Variants in DGCR8 observed in about 807,000 individuals in gnomAD.
DGCR8 encodes the protein DGCR8 microprocessor complex subunit.
DGCR8 carries 14 observed loss-of-function variants against 78.5 expected under a neutral mutation model. The ratio of observed to expected loss-of-function variants is 0.18; its 90% confidence interval spans 0.12 to 0.28. The LOEUF (loss-of-function observed/expected upper bound fraction) is 0.28. DGCR8 is among the 10% of genes least tolerant of loss of function. DGCR8 has a pLI of 1.00. For synonymous variants in DGCR8, 399 were observed against 402.4 expected (o/e 0.99, Z 0.10); for missense variants, 702 against 1,022.5 (o/e 0.69, Z 4.28).
rs554846936 is a variant in DGCR8 at position 20,105,665 on chromosome 22, C to T, written c.1789-512C>T. Among the ~76,000 whole-genome samples, 4 of 152,348 alleles carry T rather than the reference C, an allele frequency of 2.6e-5. No individual in the cohort carries two copies. In the East Asian group the frequency reaches 7.7e-4, roughly 29 times the overall value. On this transcript the variant is annotated intron_variant, in intron 9 of 13. Coordinates refer to ENST00000351989, the MANE Select transcript of DGCR8 (RefSeq NM_022720.7). ...GGTGATGACACTGTTGGAAGCCTTG[C>T]TGGGCTGGGCCTCTGCTGGCCACCT...
intron 9 of DGCR8, among the ~76,000 whole-genome samples, chr22:20,099,496 A>C (rs2049669693): frequency 6.6e-6 from 1 of 151,952 alleles, no homozygotes; most frequent in Non-Finnish European, 1.5e-5. Flanking sequence ...GGCCTTGAGG[A>C]CCCGTTCTCC....
In DGCR8 at chr22:20,086,950, C is replaced by T; in HGVS notation, c.721-212C>T. ...GCAGCAGGTGCTGCTGAGTTACGCT[C>T]CTTGGCAGTGTGTGCCCCTGGACCA... On this transcript the variant is annotated intron_variant, in intron 2 of 13. Coordinates refer to ENST00000351989, the MANE Select transcript of DGCR8 (RefSeq NM_022720.7). This position sits in a 1 kb window ranked among gnomAD's most constrained non-coding sequence, Gnocchi z 6.4. 2 of 758,002 alleles carry T rather than the reference C, an allele frequency of 2.6e-6. No homozygotes were observed. Among genetic ancestry groups the T allele is most frequent in the South Asian group, 3.8e-5 (2 of 52,472 alleles). 47.0% of individuals were successfully genotyped at this position (758,002 alleles called of 1,614,324 possible).
At chr22:20,106,091 C>T in intron 9 of DGCR8, 86 bp from the exon 10 acceptor site, 1 of 1,020,960 alleles carries the variant, frequency 9.8e-7, no homozygotes. Context: ...AGACATTAAG[C>T]ATCTGGGGAA....
rs1373713211 is a variant in DGCR8, at chr22:20,090,105, T to C, written c.1153T>C (p.Ser385Pro). Residue 385 changes from serine to proline, a missense_variant, in exon 5 of 14, where the codon TCT becomes CCT. Ser to Pro is a moderately conservative substitution (Grantham distance 74). Coordinates refer to ENST00000351989, the MANE Select transcript of DGCR8 (RefSeq NM_022720.7). The stretch of plus-strand genomic sequence containing the variant: ...GTCCCCCGTCAAGCCCCTGAGCCGA[T>C]CTGCAGAGCTGGAGTTTCCCCTGGA... ...DVSPVKPLSR[S>P]AELEFPLDEP... 6.2e-7 allele frequency: 1 copy of C among 1,614,186 alleles called. No homozygotes were observed. The highest frequency in any genetic ancestry group is 8.5e-7 in the Non-Finnish European group (1 of 1,180,036).
Position 20,085,428 on chromosome 22 carries a change from T to C in DGCR8, c.-277-259T>C, listed in dbSNP as rs1191409668. Among the ~76,000 whole-genome samples, 2 of 152,348 alleles carry C rather than the reference T, an allele frequency of 1.3e-5. No homozygotes were observed. The highest frequency in any genetic ancestry group is 2.9e-5 in the Non-Finnish European group (2 of 68,032). ...TTTTTAAAATATTTTTTGAGCCTTA[T>C]GATTATATAGTTTTTGTGTTTCTGA... On this transcript the variant is annotated intron_variant, in intron 1 of 13. Transcript: ENST00000351989. The surrounding 1 kb of genome is among the most constrained non-coding windows in gnomAD (Gnocchi z 6.2).
In DGCR8 at chr22:20,080,335, C is replaced by A; in HGVS notation, c.-326C>A. ...CGGCGGTCGGTCGGTGAGGCTTTCC[C>A]GGCTGTGGTTTGGCTGCGGGCGGCT... is the stretch of plus-strand genomic sequence containing the variant. On this transcript the variant is annotated 5_prime_UTR_variant, in exon 1 of 14. Transcript: ENST00000351989. 6 of 980,818 alleles carry A rather than the reference C, an allele frequency of 6.1e-6. No individual in the cohort carries two copies. The highest frequency in any genetic ancestry group is 7.2e-6 in the Non-Finnish European group (6 of 828,182). 60.8% of individuals were successfully genotyped at this position (980,818 alleles called of 1,614,324 possible).
chr22:20,100,556 T>C (rs1485467249), intron 9 of DGCR8: 1 of 985,286 alleles, frequency 1.0e-6, no homozygotes, highest in East Asian at 1.1e-4. Context: ...GCCCTGCCTG[T>C]TCTTTGCTAT....
intron 9 of DGCR8, among the ~76,000 whole-genome samples, chr22:20,105,398 G>A (rs143318732): frequency 1.3e-5 from 2 of 152,364 alleles, no homozygotes; most frequent in African/African-American, 4.8e-5. Flanking sequence ...TGTCACAGGA[G>A]CTCCACCAGG....
intron 9 of DGCR8, among the ~76,000 whole-genome samples, chr22:20,099,204 C>T (rs1271858256): frequency 4.6e-5 from 7 of 152,212 alleles, no homozygotes; most frequent in African/African-American, 1.7e-4. Context: ...TTTCCTGGGC[C>T]TGTGCGCAGT....
chr22:20,106,929 C>A (rs2049777672), intron 11 of DGCR8: 1 of 582,302 alleles, frequency 1.7e-6, no homozygotes, highest in East Asian at 2.9e-5. Flanking sequence ...CAGCCCTTGT[C>A]CCTGTGGCAG....
In DGCR8 at chr22:20,085,760, T is replaced by G; in HGVS notation, c.-204T>G. 1 of 1,418,314 alleles carries G rather than the reference T, an allele frequency of 7.1e-7. No individual in the cohort carries two copies. The highest frequency in any genetic ancestry group is 9.2e-7 in the Non-Finnish European group (1 of 1,092,462). 87.9% of individuals were successfully genotyped at this position (1,418,314 alleles called of 1,614,324 possible). On this transcript the variant is annotated 5_prime_UTR_variant, in exon 2 of 14. In the 5' UTR this introduces an upstream ATG that the reference lacks. Transcript: ENST00000351989. This position sits in a 1 kb window ranked among gnomAD's most constrained non-coding sequence, Gnocchi z 6.2. The stretch of plus-strand genomic sequence containing the variant: ...CGCCAGTCACTTAAGCTGAGTGCAT[T>G]GTGATTTCCAATAATTGAGGCAGTG...
rs145506440 is a variant in DGCR8, at chr22:20,100,803, C to G, written c.1789-5374C>G. The G allele has an allele frequency of 4.1e-4, 402 of 985,356 alleles. 2 individuals are homozygous for G. In the African/African-American group the frequency reaches 6.7e-3, roughly 16 times the overall value. 61.0% of individuals were successfully genotyped at this position (985,356 alleles called of 1,614,324 possible). A position where few individuals can be genotyped will look rare whatever the true frequency, so the allele number is the denominator to read the frequency against. On this transcript the variant is annotated intron_variant, in intron 9 of 13. Coordinates refer to ENST00000351989, the MANE Select transcript of DGCR8 (RefSeq NM_022720.7). The stretch of plus-strand genomic sequence containing the variant: ...TCCCCTGCCTGGGGCTTTTTCCACA[C>G]CCCTACTCCGATCCTCCCACACTGC...
chr22:20,097,285 C>T (rs1602489012), intron 9 of DGCR8, among the ~76,000 whole-genome samples: 1 of 152,300 alleles, frequency 6.6e-6, no homozygotes, highest in East Asian at 1.9e-4. Context: ...AGACTGCGTT[C>T]AGTGAAACCT....
At position 20,110,415 on chromosome 22, in the gene DGCR8, T is replaced by C. The variant is rs1446695065; in HGVS notation, c.*307T>C. 2.8e-6 allele frequency: 1 copy of C among 355,354 alleles called. No homozygotes were observed. The highest frequency in any genetic ancestry group is 4.9e-5 in the East Asian group (1 of 20,448). The allele number at this position is 355,354 out of a possible 1,614,324, so 22.0% of individuals were successfully genotyped here. On this transcript the variant is annotated 3_prime_UTR_variant, in exon 14 of 14. Coordinates refer to ENST00000351989, the MANE Select transcript of DGCR8 (RefSeq NM_022720.7). ...CTGCTTCTGTGCACCTGCTGCAGGC[T>C]CTTTTTATGAAGGCTTTCATGAATT... is the stretch of plus-strand genomic sequence containing the variant.
At chr22:20,106,956 C>G (rs1027689004) in intron 11 of DGCR8, 2 of 575,628 alleles carry the variant, frequency 3.5e-6, no homozygotes, top group East Asian at 5.8e-5. Flanking sequence ...AGGCCCTCCT[C>G]CTCGAACAGC....
rs1200170108 is a variant in DGCR8 at position 20,086,789 on chromosome 22, A to G, written c.720+106A>G. ...AGGGAAATTAAAAAAAAAAAAAACA[A>G]AAACCAAAATCCCCTCTGAGGTGGA... On this transcript the variant is annotated intron_variant, in intron 2 of 13. Transcript: ENST00000351989. This position sits in a 1 kb window ranked among gnomAD's most constrained non-coding sequence, Gnocchi z 6.4. 4 of 1,306,762 alleles carry G rather than the reference A, an allele frequency of 3.1e-6. No homozygotes were observed. Among genetic ancestry groups the G allele is most frequent in the Admixed American group, 2.3e-5 (1 of 42,704 alleles). 80.9% of individuals were successfully genotyped at this position (1,306,762 alleles called of 1,614,324 possible). A position where few individuals can be genotyped will look rare whatever the true frequency, so the allele number is the denominator to read the frequency against.
intron 11 of DGCR8, 86 bp from the exon 12 acceptor site, chr22:20,107,185 G>C: frequency 6.5e-7 from 1 of 1,527,202 alleles, no homozygotes; most frequent in Admixed American, 1.7e-5. Context: ...TCGGGGTGTG[G>C]GTCAGGAGGG....
chr22:20,086,741 G>A lies in DGCR8; in HGVS notation c.720+58G>A. 8.2e-6 allele frequency: 12 copies of A among 1,458,928 alleles called. No homozygotes were observed. Among genetic ancestry groups the A allele is most frequent in the South Asian group, 6.9e-5 (5 of 72,250 alleles). The allele number at this position is 1,458,928 out of a possible 1,614,324, so 90.4% of individuals were successfully genotyped here. A position where few individuals can be genotyped will look rare whatever the true frequency, so the allele number is the denominator to read the frequency against. On this transcript the variant is annotated intron_variant, in intron 2 of 13. Coordinates refer to ENST00000351989, the MANE Select transcript of DGCR8 (RefSeq NM_022720.7). The surrounding 1 kb of genome is among the most constrained non-coding windows in gnomAD (Gnocchi z 6.4). ...TAGCAAAACCCAAAGAGAGATTTGG[G>A]AATTGCAGCATCTTTTGAAAGCAGG...
In DGCR8 at chr22:20,111,187, T is replaced by C. The variant is rs1384873419; in HGVS notation, c.*1079T>C. On this transcript the variant is annotated 3_prime_UTR_variant, in exon 14 of 14. Transcript: ENST00000351989. ...GTGGCCCCTATGGGTGGGTGTGCGA[T>C]GGAAATGTGTTCCTGCCGGAGTCTG... 2 of 398,640 alleles carry C rather than the reference T, an allele frequency of 5.0e-6. No individual in the cohort carries two copies. The highest frequency in any genetic ancestry group is 4.4e-5 in the Admixed American group (1 of 22,712). The allele number at this position is 398,640 out of a possible 1,614,324, so 24.7% of individuals were successfully genotyped here.
Sources: allele counts gnomAD v4.1 joint callset (sites outside exome capture counted in the v4.1 genomes callset), GRCh38; gene constraint gnomAD v4.1.1; non-coding constraint Gnocchi (gnomAD v3.1); transcripts MANE v1.5; gene names NCBI Gene and HGNC (gene_info 2026-07-23, HGNC 2026-07-21).